SIPA1L2: variants seen among roughly 807,000 people sequenced by gnomAD.
SIPA1L2 encodes the protein signal-induced proliferation-associated 1-like protein 2.
Under a neutral mutation model 163.9 loss-of-function variants are expected in SIPA1L2, and 56 were observed. That is an observed-to-expected ratio of 0.34 (90% CI 0.28 to 0.43). The LOEUF (loss-of-function observed/expected upper bound fraction) is 0.43. Among genes scored for constraint, SIPA1L2 ranks in the 20% least tolerant of loss-of-function variants. The pLI is 1.00. For synonymous variants in SIPA1L2, 877 were observed against 865.7 expected, an observed-to-expected ratio of 1.01 and a Z score of -0.23; for missense variants, 1,974 against 2,193.5, an observed-to-expected ratio of 0.90 and a Z score of 2.00.
At chr1:232,495,963 A>C (rs538369890) in intron 3 of SIPA1L2, among the ~76,000 whole-genome samples, 35 of 152,250 alleles carry the variant, frequency 2.3e-4, no homozygotes, top group Non-Finnish European at 3.7e-4. Flanking sequence ...AAGTTAAAAA[A>C]ATAAAGTTAT....
chr1:232,598,622 C>T (rs1362225466), intron 1 of SIPA1L2, among the ~76,000 whole-genome samples: 1 of 152,126 alleles, frequency 6.6e-6, no homozygotes, highest in Non-Finnish European at 1.5e-5. Context: ...GATCAGGGCA[C>T]TAGCACATTC....
chr1:232,548,459 C>T (rs1307944657), intron 2 of SIPA1L2, among the ~76,000 whole-genome samples: 1 of 152,150 alleles, frequency 6.6e-6, no homozygotes, highest in Non-Finnish European at 1.5e-5. Flanking sequence ...TGGTATCTAC[C>T]TTCCCACAAT....
rs549422056 is a variant in SIPA1L2, at chr1:232,483,792, T to A, written c.1981A>T (p.Thr661Ser). 33 of 1,613,718 alleles carry A rather than the reference T, an allele frequency of 2.0e-5. No individual in the cohort carries two copies. The highest frequency in any genetic ancestry group is 2.8e-5 in the Non-Finnish European group (33 of 1,179,844). ...SKYRAQLDNKTDSTGTHSLYT... is the reference protein window; with the variant it reads ...SKYRAQLDNKSDSTGTHSLYT... ...GCACACACACAAACATTAAACTTAC[T>A]CTTATTGTCTAGCTGAGCTCGATAT... The change falls in exon 6 of 23, where the codon ACT (threonine) becomes TCT (serine). Residue 661 changes from threonine (T) to serine (S), a missense_variant and splice_region_variant. Transcript: ENST00000674635.
intron 19 of SIPA1L2, among the ~76,000 whole-genome samples, chr1:232,407,570 T>TG (rs1660715190): frequency 1.3e-5 from 2 of 152,354 alleles, no homozygotes; most frequent in Admixed American, 1.3e-4. Flanking sequence ...CAGTGGTGCC[T>TG]GGAATGTGAA....
chr1:232,595,482 G>A (rs1008212199), intron 1 of SIPA1L2, among the ~76,000 whole-genome samples: 1 of 152,166 alleles, frequency 6.6e-6, no homozygotes, highest in African/African-American at 2.4e-5. Context: ...CTGCTGCACC[G>A]GGCGGCTTCT....
At position 232,439,426 on chromosome 1, in the gene SIPA1L2, T is replaced by C; in HGVS notation, c.3713A>G (p.Asp1238Gly). Residue 1238 changes from aspartate to glycine, a missense_variant, in exon 15 of 23, where the codon GAC becomes GGC. Physicochemically the swap from Asp to Gly is moderately conservative, Grantham distance 94. Around this residue, in one of 3 missense-constraint regions of SIPA1L2, gnomAD observed 1,079 missense variants for 1,150.7 expected, o/e 0.94. Transcript: ENST00000674635. ...GTCGCCAGACCCAAAGTGCTTGTCG[T>C]CACTGTTGCTGGAGGTGTTGCTGGA... ...TLSSNTSSNS[D>G]DKHFGSGDLM... The C allele has an allele frequency of 6.2e-7, 1 of 1,614,202 alleles. No individual in the cohort carries two copies. Among genetic ancestry groups the C allele is most frequent in the Non-Finnish European group, 8.5e-7 (1 of 1,180,032 alleles).
At chr1:232,493,114 G>A (rs1558220445) in intron 4 of SIPA1L2, among the ~76,000 whole-genome samples, 2 of 152,014 alleles carry the variant, frequency 1.3e-5, no homozygotes, top group African/African-American at 4.8e-5. Flanking sequence ...AAAAGTGTGT[G>A]GCCCTTCCCC....
At chr1:232,538,519 A>G (rs191051693) in intron 2 of SIPA1L2, among the ~76,000 whole-genome samples, 10 of 152,290 alleles carry the variant, frequency 6.6e-5, no homozygotes, top group Admixed American at 5.9e-4. Flanking sequence ...GAGTCCCCCA[A>G]CACCACTTTC....
At chr1:232,538,784 A>G (rs1171228008) in intron 2 of SIPA1L2, among the ~76,000 whole-genome samples, 1 of 152,188 alleles carries the variant, frequency 6.6e-6, no homozygotes, top group Non-Finnish European at 1.5e-5. Context: ...CAATTTGAGT[A>G]GAGAGCTCAA....
At chr1:232,470,283 A>T (rs1664736561) in intron 8 of SIPA1L2, among the ~76,000 whole-genome samples, 1 of 152,192 alleles carries the variant, frequency 6.6e-6, no homozygotes, top group Non-Finnish European at 1.5e-5. Context: ...ATGACTATGG[A>T]GGGAAGTATA....
chr1:232,514,963 T>C lies in SIPA1L2; in HGVS notation c.377A>G (p.Gln126Arg). The C allele has an allele frequency of 4.3e-6, 7 of 1,614,192 alleles. No individual in the cohort carries two copies. Among genetic ancestry groups the C allele is most frequent in the Non-Finnish European group, 5.9e-6 (7 of 1,180,020 alleles). Residue 126 changes from glutamine (Q) to arginine (R), a missense_variant, in exon 3 of 23, where the codon CAA becomes CGA. Physicochemically the swap from Gln to Arg is conservative, Grantham distance 43. This residue lies in a region of SIPA1L2 where 607 missense variants were observed against 624.0 expected (regional missense o/e 0.97). Coordinates refer to ENST00000674635, the MANE Select transcript of SIPA1L2 (RefSeq NM_020808.5). ...NGQSDQSEGQ[Q>R]DEQLDLDFVE... ...GAAGTCCAGATCGAGCTGTTCATCT[T>C]GCTGACCTTCACTCTGGTCACTCTG...
intron 2 of SIPA1L2, among the ~76,000 whole-genome samples, chr1:232,564,249 TG>T (rs1558271372): frequency 1.0e-4 from 6 of 58,062 alleles, no homozygotes; most frequent in Non-Finnish European, 1.7e-4. Flanking sequence ...TGTGTGTGTG[TG>T]TGTGTGTGTG....
chr1:232,402,414 T>C lies in SIPA1L2; in HGVS notation c.5000A>G (p.Gln1667Arg). 6.2e-7 allele frequency: 1 copy of C among 1,613,654 alleles called. No homozygotes were observed. Among genetic ancestry groups the C allele is most frequent in the South Asian group, 1.1e-5 (1 of 91,070 alleles). Residue 1667 changes from glutamine (Q) to arginine (R), a missense_variant, in exon 22 of 23, where the codon CAA (glutamine) becomes CGA (arginine). Physicochemically the swap from Gln to Arg is conservative, Grantham distance 43. Around this residue, in one of 3 missense-constraint regions of SIPA1L2, gnomAD observed 1,079 missense variants for 1,150.7 expected, o/e 0.94. Transcript: ENST00000674635. ...KVNQLELILR[Q>R]LQTDLRKEKQ... ...TACCTTCCGAAGGTCGGTCTGGAGT[T>C]GTCGAAGAATTAATTCCAGCTGATT... is the stretch of plus-strand genomic sequence containing the variant.
chr1:232,573,095 T>C (rs964524474), intron 2 of SIPA1L2, among the ~76,000 whole-genome samples: 1 of 151,972 alleles, frequency 6.6e-6, no homozygotes, highest in African/African-American at 2.4e-5. Flanking sequence ...AAATCATTTT[T>C]AAAGGCAAGC....
intron 1 of SIPA1L2, among the ~76,000 whole-genome samples, chr1:232,594,237 T>C (rs1479185527): frequency 4.6e-5 from 7 of 151,952 alleles, no homozygotes; most frequent in Non-Finnish European, 1.0e-4. Context: ...AGGTAAAACA[T>C]GAACAAAGGA....
Position 232,461,050 on chromosome 1 carries a change from C to T in SIPA1L2, c.2932G>A (p.Gly978Ser). ...EGIVADVEPF[G>S]FAWKAGLRQG... is the part of the protein sequence containing the mutation. The stretch of plus-strand genomic sequence containing the variant: ...CGAAGGCCAGCCTTCCAGGCAAAGC[C>T]AAAAGGTTCCACATCTGCGACAATT... The change falls in exon 10 of 23, where the codon GGC becomes AGC. Residue 978 changes from glycine to serine, a missense_variant. By Grantham distance (56) the Gly-to-Ser change is moderately conservative. This residue lies in a region of SIPA1L2 where 1,079 missense variants were observed against 1,150.7 expected (regional missense o/e 0.94). Coordinates refer to ENST00000674635, the MANE Select transcript of SIPA1L2 (RefSeq NM_020808.5). The T allele has an allele frequency of 6.2e-7, 1 of 1,614,276 alleles. No homozygotes were observed. Among genetic ancestry groups the T allele is most frequent in the Non-Finnish European group, 8.5e-7 (1 of 1,180,050 alleles).
At chr1:232,549,790 A>T (rs1359135134) in intron 2 of SIPA1L2, among the ~76,000 whole-genome samples, 1 of 152,190 alleles carries the variant, frequency 6.6e-6, no homozygotes, top group Non-Finnish European at 1.5e-5. Flanking sequence ...CTCACTGGTC[A>T]ATATTATTTT....
At chr1:232,538,178 C>T (rs759950576) in intron 2 of SIPA1L2, among the ~76,000 whole-genome samples, 8 of 152,294 alleles carry the variant, frequency 5.3e-5, no homozygotes, top group South Asian at 2.1e-4. Flanking sequence ...GGTGGGATCA[C>T]GGTCAGGCCA....
At chr1:232,430,906 G>T (rs1245797274) in intron 16 of SIPA1L2, among the ~76,000 whole-genome samples, 1 of 152,148 alleles carries the variant, frequency 6.6e-6, no homozygotes, top group African/African-American at 2.4e-5. Flanking sequence ...CACAATCTCA[G>T]TCTCCTCTAG....
Sources: gnomAD v4.1 joint callset for allele counts (sites outside exome capture counted in the v4.1 genomes callset) on GRCh38, gnomAD v4.1.1 for gene constraint, gnomAD v4.1.1 regional missense constraint, MANE v1.5 for transcripts, NCBI Gene and HGNC (gene_info 2026-07-23, HGNC 2026-07-21) for gene names.